Variants in ABCA4 observed in about 807,000 individuals in gnomAD.
ABCA4 encodes retinal-specific phospholipid-transporting ATPase ABCA4.
ABCA4 carries 196 observed loss-of-function variants against 263.7 expected under a neutral mutation model. The ratio of observed to expected loss-of-function variants is 0.74; its 90% CI spans 0.66 to 0.84. ABCA4 has a LOEUF of 0.84. ABCA4 is among the 40% of genes least tolerant of loss of function. The pLI, the probability that ABCA4 is intolerant of heterozygous loss-of-function variation, is 0.00. For missense variants in ABCA4, 2,792 were observed against 2,855.1 expected (o/e 0.98, Z 0.50); for synonymous variants, 1,133 against 1,094.2 (o/e 1.04, Z -0.70).
chr1:94,042,268 A>G (rs770093134), intron 22 of ABCA4, among the ~76,000 whole-genome samples: 3 of 152,068 alleles, frequency 2.0e-5, no homozygotes, highest in Non-Finnish European at 4.4e-5. Context: ...ATGGGCACTC[A>G]GCTCTGCTTG....
intron 32 of ABCA4, 62 bp from the exon 33 acceptor site, chr1:94,022,013 T>A: frequency 7.2e-7 from 1 of 1,389,144 alleles, no homozygotes; most frequent in Non-Finnish European, 1.0e-6. Context: ...CTAGTAGCTC[T>A]CTCGGGTTTT....
At chr1:94,043,505 T>G (rs1438321591) in intron 20 of ABCA4, 30 bp from the exon 21 acceptor site, 12 of 1,613,784 alleles carry the variant, frequency 7.4e-6, no homozygotes, top group East Asian at 4.5e-5. Flanking sequence ...AGAAAAGCAG[T>G]GGCTTAGCAC....
chr1:94,101,114 A>G (rs960395755), intron 5 of ABCA4, among the ~76,000 whole-genome samples: 35 of 152,262 alleles, frequency 2.3e-4, no homozygotes, highest in African/African-American at 8.2e-4. Flanking sequence ...CCATTCTCCA[A>G]CATGAAAGGC....
intron 29 of ABCA4, among the ~76,000 whole-genome samples, chr1:94,030,087 C>T (rs1415437083): frequency 2.0e-5 from 3 of 152,230 alleles, no homozygotes; most frequent in Non-Finnish European, 4.4e-5. Flanking sequence ...GTCACTCACG[C>T]CATTCAAGGC....
chr1:94,103,401 G>C (rs1266175977), intron 4 of ABCA4, among the ~76,000 whole-genome samples: 2 of 152,208 alleles, frequency 1.3e-5, no homozygotes, highest in East Asian at 3.8e-4. Flanking sequence ...CAGATGCTTT[G>C]TGGGGTTGGT....
rs77933221 is a variant in ABCA4, at chr1:94,098,286, T to C, written c.768+508A>G. On this transcript the variant is annotated intron_variant, in intron 6 of 49. Transcript: ENST00000370225. ...TTTTTCTCTCTAGAAACACCAACCA[T>C]TGAGGTTGAGACCATTTCCAGAGGA... 7.7e-3 allele frequency among the ~76,000 whole-genome samples: 1,172 copies of C among 151,944 alleles called. 21 individuals are homozygous for C. Among genetic ancestry groups the C allele is most frequent in the African/African-American group, 0.027 (1,111 of 41,474 alleles).
chr1:94,116,037 C>T (rs1354627355), intron 1 of ABCA4, among the ~76,000 whole-genome samples: 1 of 152,180 alleles, frequency 6.6e-6, no homozygotes, highest in African/African-American at 2.4e-5. Flanking sequence ...TTGTCATCCT[C>T]CCTTGCAAGG....
chr1:94,048,302 G>A (rs1015773715), intron 18 of ABCA4, among the ~76,000 whole-genome samples: 1 of 152,358 alleles, frequency 6.6e-6, no homozygotes, highest in Non-Finnish European at 1.5e-5. Context: ...TAGTTTAAGA[G>A]AGAAGATGAG....
At chr1:94,068,755 GC>G (rs1364049344) in intron 11 of ABCA4, among the ~76,000 whole-genome samples, 1 of 152,174 alleles carries the variant, frequency 6.6e-6, no homozygotes, top group East Asian at 1.9e-4. Flanking sequence ...ATTGTAAGGG[GC>G]CAGTGTAAGG....
In ABCA4 at chr1:94,062,970, T is replaced by C. The variant is rs991651505; in HGVS notation, c.1760+142A>G. ...TTGCTTTCATTCAAGGACTCTTTGT[T>C]GAGCTTTATAAAATATCTTATTTTT... On this transcript the variant is annotated intron_variant, in intron 12 of 49. Coordinates refer to ENST00000370225, the MANE Select transcript of ABCA4 (RefSeq NM_000350.3). 3.7e-6 allele frequency: 4 copies of C among 1,067,640 alleles called. No homozygotes were observed. In the Admixed American group the frequency reaches 7.2e-5, roughly 19 times the overall value. The allele number at this position is 1,067,640 out of a possible 1,614,324, so 66.1% of individuals were successfully genotyped here.
chr1:94,012,093 C>G (rs11165063), intron 38 of ABCA4, among the ~76,000 whole-genome samples: 22,528 of 152,154 alleles, frequency 0.15, 1,829 homozygotes, highest in African/African-American at 0.22. Context: ...GACATCGAGG[C>G]GTACGAGGCC....
Position 94,080,515 on chromosome 1 carries a change from T to A in ABCA4, c.1062A>T (p.Thr354=). 1 of 1,614,216 alleles carries A rather than the reference T, an allele frequency of 6.2e-7. No individual in the cohort carries two copies. Among genetic ancestry groups the A allele is most frequent in the Non-Finnish European group, 8.5e-7 (1 of 1,180,044 alleles). Residue 354 remains threonine (T), a synonymous_variant, in exon 8 of 50, where the codon ACA becomes ACT. Transcript: ENST00000370225. ...NYKAFLGIDS[T]RKDPIYSYDR... ...CATAAGAATAGATAGGATCCTTCCT[T>A]GTGGAGTCAATCCCCAGAAAGGCCT...
At chr1:94,072,049 AT>A (rs1384943817) in intron 11 of ABCA4, among the ~76,000 whole-genome samples, 1 of 152,054 alleles carries the variant, frequency 6.6e-6, no homozygotes, top group Non-Finnish European at 1.5e-5. Context: ...TCTTAATCCT[AT>A]TTTTTCTTAG....
In ABCA4 at chr1:94,039,205, G is replaced by A. The variant is rs530504585; in HGVS notation, c.3607+838C>T. 8.4e-4 allele frequency among the ~76,000 whole-genome samples: 128 copies of A among 152,312 alleles called. 2 individuals are homozygous for A. Among genetic ancestry groups the A allele is most frequent in the Admixed American group, 5.1e-3 (78 of 15,308 alleles). ...CACAGGGTCTCTCAGTGTAAAGAGA[G>A]GGCAGGTGCATGAACAGTGATGATG... On this transcript the variant is annotated intron_variant, in intron 24 of 49. Transcript: ENST00000370225.
chr1:94,054,667 G>A (rs1660925279), intron 16 of ABCA4, among the ~76,000 whole-genome samples: 1 of 152,142 alleles, frequency 6.6e-6, no homozygotes, highest in African/African-American at 2.4e-5. Context: ...GAGGAGTAGG[G>A]AAAATCGTAA....
At chr1:94,048,089 C>T (rs1177499772) in intron 18 of ABCA4, among the ~76,000 whole-genome samples, 1 of 152,198 alleles carries the variant, frequency 6.6e-6, no homozygotes, top group Non-Finnish European at 1.5e-5. Flanking sequence ...GTACTGCAGT[C>T]TAACTCTGGG....
chr1:94,035,596 C>A (rs1660314843), intron 26 of ABCA4, among the ~76,000 whole-genome samples: 1 of 152,198 alleles, frequency 6.6e-6, no homozygotes, highest in South Asian at 2.1e-4. Flanking sequence ...AAAGGAAACA[C>A]TCCAACAGGA....
Position 94,078,589 on chromosome 1 carries a change from C to T in ABCA4, c.1356+1G>A. The T allele has an allele frequency of 3.6e-6, 3 of 842,848 alleles. No individual in the cohort carries two copies. The highest frequency in any genetic ancestry group is 5.4e-6 in the Non-Finnish European group (3 of 554,420). The allele number at this position is 842,848 out of a possible 1,614,324, so 52.2% of individuals were successfully genotyped here. On this transcript the variant is annotated splice_donor_variant, in intron 10 of 49. Transcript: ENST00000370225. LOFTEE classifies it high-confidence loss of function. Reference sequence around the variant, plus strand: ...CCTCCCCATCCTCCAACCCCCCTTACTCTGATCATGTTCATCTGTGTGCTG... The same window carrying T: ...CCTCCCCATCCTCCAACCCCCCTTATTCTGATCATGTTCATCTGTGTGCTG...
Position 94,115,922 on chromosome 1 carries a change from G to A in ABCA4, c.67-2856C>T, listed in dbSNP as rs577204989. ...CTTGCTAAGAAACCAGCCACACACC[G>A]TCCCCTGCTCCATATATAAAGAGGG... On this transcript the variant is annotated intron_variant, in intron 1 of 49. Transcript: ENST00000370225. Among the ~76,000 whole-genome samples the A allele has an allele frequency of 1.2e-4, 18 of 152,184 alleles. No individual in the cohort carries two copies. The South Asian group carries it at 2.5e-3, about 21-fold the overall frequency.
Sources: gnomAD v4.1 joint callset for allele counts (sites outside exome capture counted in the v4.1 genomes callset) on GRCh38, gnomAD v4.1.1 for gene constraint, MANE v1.5 for transcripts, NCBI Gene and HGNC (gene_info 2026-07-23, HGNC 2026-07-21) for gene names.